Variants in DCDC1 observed in about 807,000 individuals in gnomAD.
The protein encoded by DCDC1 is doublecortin domain-containing protein 1.
Under a neutral mutation model 178.3 loss-of-function variants are expected in DCDC1, and 200 were observed. The ratio of observed to expected loss-of-function variants is 1.12; its 90% CI spans 1.00 to 1.26. The LOEUF (loss-of-function observed/expected upper bound fraction) is 1.26. Ranked by LOEUF, DCDC1 falls within the 50% of genes most tolerant of loss-of-function variation. The pLI, the probability that DCDC1 is intolerant of heterozygous loss-of-function variation, is 0.00. For missense variants in DCDC1, 1,983 were observed against 1,749.2 expected (o/e 1.13, Z -2.38); for synonymous variants, 690 against 604.8 (o/e 1.14, Z -2.07).
Position 31,175,633 on chromosome 11 carries a change from G to T in DCDC1, c.1222-37849C>A, listed in dbSNP as rs529685772. ...GTCCAGCCAATGGCCATCTCAACAG[G>T]AACCATCACTTCCCCAGAGAGCCCT... On this transcript the variant is annotated intron_variant, in intron 9 of 38. Coordinates refer to ENST00000684477, the MANE Select transcript of DCDC1 (RefSeq NM_001387274.1). Among the ~76,000 whole-genome samples the T allele has an allele frequency of 7.9e-5, 12 of 152,288 alleles. 1 individual carries two copies. The East Asian group carries it at 2.3e-3, about 29-fold the overall frequency.
chr11:31,112,892 A>C (rs1959211784), intron 11 of DCDC1, among the ~76,000 whole-genome samples: 1 of 152,184 alleles, frequency 6.6e-6, no homozygotes, highest in African/African-American at 2.4e-5. Context: ...ACTGTTCAGG[A>C]ACTTAAAAAG....
At chr11:31,246,856 A>G (rs917675992) in intron 8 of DCDC1, among the ~76,000 whole-genome samples, 16 of 152,070 alleles carry the variant, frequency 1.1e-4, no homozygotes, top group African/African-American at 2.9e-4. Context: ...TACTTATGAG[A>G]AAAGATTTAG....
chr11:31,284,619 T>C (rs996502534), intron 7 of DCDC1, among the ~76,000 whole-genome samples: 1 of 151,994 alleles, frequency 6.6e-6, no homozygotes, highest in African/African-American at 2.4e-5. Flanking sequence ...ACATTTTAAC[T>C]TTCAAATTTA....
intron 9 of DCDC1, among the ~76,000 whole-genome samples, chr11:31,154,833 G>A (rs1012569040): frequency 7.9e-5 from 12 of 152,260 alleles, no homozygotes; most frequent in East Asian, 3.9e-4. Flanking sequence ...TACTGGCTCC[G>A]TCCTCTCTGG....
intron 20 of DCDC1, among the ~76,000 whole-genome samples, chr11:31,014,916 T>C (rs1952391672): frequency 6.6e-6 from 1 of 152,120 alleles, no homozygotes. Context: ...TCATTCATTA[T>C]GGCAAGGTTT....
chr11:30,893,067 A>G (rs995054733), intron 35 of DCDC1, 70 bp from the exon 36 acceptor site: 2 of 1,536,490 alleles, frequency 1.3e-6, no homozygotes, highest in African/African-American at 1.4e-5. Flanking sequence ...AGAATGTGAT[A>G]AAATCCAGAT....
At chr11:31,301,589 A>G (rs1948119858) in intron 6 of DCDC1, among the ~76,000 whole-genome samples, 1 of 152,252 alleles carries the variant, frequency 6.6e-6, no homozygotes, top group Non-Finnish European at 1.5e-5. Context: ...GGTTCATTAA[A>G]TGAATGCATT....
chr11:31,125,385 A>G (rs889907145), intron 11 of DCDC1, among the ~76,000 whole-genome samples: 5 of 152,212 alleles, frequency 3.3e-5, no homozygotes. Flanking sequence ...TCAAAGATTT[A>G]GAACTGGAAG....
intron 1 of DCDC1, among the ~76,000 whole-genome samples, chr11:31,366,681 C>T (rs183001415): frequency 6.6e-6 from 1 of 152,306 alleles, no homozygotes; most frequent in Non-Finnish European, 1.5e-5. Context: ...TGTCTTGCTG[C>T]TTACCACCCA....
intron 28 of DCDC1, among the ~76,000 whole-genome samples, 184 bp downstream of exon 28, chr11:30,911,143 A>G (rs1945418683): frequency 6.6e-6 from 1 of 152,202 alleles, no homozygotes; most frequent in Non-Finnish European, 1.5e-5. Context: ...GTTGGATTAA[A>G]CTAAATTAAG....
intron 9 of DCDC1, among the ~76,000 whole-genome samples, chr11:31,164,402 C>T (rs771059590): frequency 5.3e-5 from 8 of 152,106 alleles, no homozygotes; most frequent in Non-Finnish European, 1.2e-4. Context: ...AAGAAAGCAT[C>T]ATTATAATAG....
At chr11:30,978,572 G>C (rs2134763376) in intron 20 of DCDC1, among the ~76,000 whole-genome samples, 1 of 152,024 alleles carries the variant, frequency 6.6e-6, no homozygotes, top group African/African-American at 2.4e-5. Context: ...ATCAAGTATG[G>C]CATTTAGGAT....
chr11:31,237,985 T>A (rs548278759), intron 9 of DCDC1, among the ~76,000 whole-genome samples: 1 of 152,150 alleles, frequency 6.6e-6, no homozygotes, highest in East Asian at 1.9e-4. Context: ...TTTTTCTCTC[T>A]GAATTTCAAA....
At chr11:31,121,428 G>T (rs1591120179) in intron 11 of DCDC1, among the ~76,000 whole-genome samples, 2 of 145,730 alleles carry the variant, frequency 1.4e-5, no homozygotes, top group Admixed American at 1.4e-4. Context: ...TTTTTATCTT[G>T]TATGCCCATT....
chr11:31,061,998 A>AAT (rs1955948583), intron 20 of DCDC1, among the ~76,000 whole-genome samples: 1 of 152,110 alleles, frequency 6.6e-6, no homozygotes. Context: ...GCAAAAGCCA[A>AAT]ATCCCTAAGC....
At chr11:31,348,393 A>G (rs1950914069) in intron 1 of DCDC1, among the ~76,000 whole-genome samples, 1 of 152,188 alleles carries the variant, frequency 6.6e-6, no homozygotes, top group South Asian at 2.1e-4. Context: ...CCAAGACAGA[A>G]AACAGTCAGA....
chr11:30,941,325 C>T (rs140402188), intron 21 of DCDC1, among the ~76,000 whole-genome samples: 12 of 152,288 alleles, frequency 7.9e-5, no homozygotes, highest in African/African-American at 2.6e-4. Flanking sequence ...GGCTTTCTAT[C>T]TCAGACTAAA....
At chr11:31,054,826 A>G (rs559414427) in intron 20 of DCDC1, among the ~76,000 whole-genome samples, 2 of 152,378 alleles carry the variant, frequency 1.3e-5, no homozygotes, top group South Asian at 4.1e-4. Flanking sequence ...ATCTTATACA[A>G]AAATCAACTC....
chr11:31,033,419 A>G (rs1469327044), intron 20 of DCDC1, among the ~76,000 whole-genome samples: 5 of 151,882 alleles, frequency 3.3e-5, no homozygotes, highest in Non-Finnish European at 5.9e-5. Flanking sequence ...TGATTTTTCT[A>G]TTTTCTTAAT....
Sources: gnomAD v4.1 joint callset for allele counts (sites outside exome capture counted in the v4.1 genomes callset) on GRCh38, gnomAD v4.1.1 for gene constraint, MANE v1.5 for transcripts, NCBI Gene and HGNC (gene_info 2026-07-23, HGNC 2026-07-21) for gene names.